The following ANXA8 variants were observed in gnomAD, a reference collection of about 807,000 sequenced individuals.
ANXA8 encodes annexin A8, also known as VAC-beta.
ANXA8 carries 9 observed loss-of-function variants against 26.8 expected under a neutral mutation model. The observed-to-expected ratio is 0.34, with a 90% CI of 0.20 to 0.59. The LOEUF (loss-of-function observed/expected upper bound fraction) is 0.59, where lower values mean the gene tolerates loss of function less well. Ranked by LOEUF, ANXA8 falls within the 20% of genes least tolerant of loss-of-function variation. The pLI, the probability that ANXA8 is intolerant of heterozygous loss-of-function variation, is 0.84. For missense variants in ANXA8, 83 were observed against 238.5 expected, an observed-to-expected ratio of 0.35 and a Z score of 4.29; for synonymous variants, 39 against 94.8, an observed-to-expected ratio of 0.41 and a Z score of 3.42.
chr10:47,881,833 G>GTC, the ANXA8 span, among the ~76,000 whole-genome samples: 2 of 147,360 alleles, frequency 1.4e-5, no homozygotes, highest in Non-Finnish European at 3.0e-5. Context: ...GTTTGTGTGT[G>GTC]TGTGGATATT....
At chr10:47,672,439 C>G in the ANXA8 span, among the ~76,000 whole-genome samples, 1 of 151,650 alleles carries the variant, frequency 6.6e-6, no homozygotes, top group Admixed American at 6.6e-5. Context: ...AGTACTTTTT[C>G]TTTTATAATA....
chr10:47,714,402 G>T, the ANXA8 span, among the ~76,000 whole-genome samples: 1 of 139,964 alleles, frequency 7.1e-6, no homozygotes, highest in Non-Finnish European at 1.5e-5. Flanking sequence ...TAGATTTATG[G>T]CCTGAAGTGA....
chr10:47,581,786 T>TC, the ANXA8 span, among the ~76,000 whole-genome samples: 1 of 150,284 alleles, frequency 6.7e-6, no homozygotes, highest in African/African-American at 2.5e-5. Context: ...TATTTTTTTT[T>TC]AGTAGAGACG....
At chr10:47,506,624 C>T in the ANXA8 span, among the ~76,000 whole-genome samples, 1 of 141,306 alleles carries the variant, frequency 7.1e-6, no homozygotes, top group African/African-American at 2.6e-5. Flanking sequence ...ACCACTGCGC[C>T]CCACCAGCTT....
chr10:47,653,984 C>T, the ANXA8 span, among the ~76,000 whole-genome samples: 3 of 150,858 alleles, frequency 2.0e-5, no homozygotes, highest in African/African-American at 7.5e-5. Context: ...GTAGGAACAC[C>T]TAGGGATAGA....
chr10:47,700,011 C>A, the ANXA8 span, among the ~76,000 whole-genome samples: 8 of 151,904 alleles, frequency 5.3e-5, no homozygotes, highest in Admixed American at 5.2e-4. Flanking sequence ...GAAATGAAGA[C>A]ATGAATAAAT....
chr10:47,723,667 G>C, the ANXA8 span, among the ~76,000 whole-genome samples: 1 of 139,204 alleles, frequency 7.2e-6, no homozygotes, highest in Non-Finnish European at 1.6e-5. Context: ...TCTCGTCTGT[G>C]TCCTTCCTCT....
At chr10:47,655,958 T>C in the ANXA8 span, among the ~76,000 whole-genome samples, 1 of 151,988 alleles carries the variant, frequency 6.6e-6, no homozygotes, top group African/African-American at 2.4e-5. Context: ...AGGTGGAAGT[T>C]TCGGTGAGCC....
the ANXA8 span, chr10:47,564,423 TG>T: frequency 2.7e-6 from 3 of 1,122,504 alleles, no homozygotes; most frequent in Non-Finnish European, 3.8e-6. Context: ...GCTGGTGAAG[TG>T]GCGGTTGCAG....
chr10:47,746,980 C>A, the ANXA8 span, among the ~76,000 whole-genome samples: 1 of 126,550 alleles, frequency 7.9e-6, no homozygotes, highest in Non-Finnish European at 1.7e-5. Context: ...ACACTCATTC[C>A]AAGAACAACT....
the ANXA8 span, among the ~76,000 whole-genome samples, chr10:47,768,564 G>T: frequency 6.6e-6 from 1 of 150,868 alleles, no homozygotes; most frequent in Non-Finnish European, 1.5e-5. Flanking sequence ...GAGGGCTGGG[G>T]CTGTGATGTG....
At chr10:47,937,037 G>A in the ANXA8 span, among the ~76,000 whole-genome samples, 16 of 150,102 alleles carry the variant, frequency 1.1e-4, no homozygotes, top group African/African-American at 3.1e-4. Context: ...TTCTGAGGAA[G>A]GCAGGCACCT....
chr10:47,937,129 A>G, the ANXA8 span, among the ~76,000 whole-genome samples: 3 of 149,562 alleles, frequency 2.0e-5, no homozygotes, highest in Non-Finnish European at 3.0e-5. Context: ...ATCACCCCCT[A>G]CAATGCATTA....
chr10:47,586,832 A>G, the ANXA8 span, among the ~76,000 whole-genome samples: 840 of 146,456 alleles, frequency 5.7e-3, 159 homozygotes, highest in African/African-American at 0.022. Flanking sequence ...AATGGGGCAT[A>G]GAAGAGCCCC....
the ANXA8 span, among the ~76,000 whole-genome samples, chr10:47,744,431 A>AAGGGGGGGGGGGGGGGGG: frequency 1.9e-4 from 1 of 5,398 alleles, no homozygotes; most frequent in African/African-American, 9.0e-4. Context: ...GTTGGGGGGG[A>AAGGGGGGGGGGGGGGGGG]GGGGGGAAGA....
upstream of ANXA8, chr10:47,484,339 C>T: frequency 1.5e-6 from 1 of 668,174 alleles, no homozygotes; most frequent in Non-Finnish European, 2.6e-6. Flanking sequence ...CCACCTTGGC[C>T]TACCAAAGTG....
At chr10:47,510,145 T>C in the ANXA8 span, 48 of 1,170,770 alleles carry the variant, frequency 4.1e-5, 7 homozygotes, top group South Asian at 6.8e-4. Context: ...AAGGAATCTG[T>C]CCCTCGGCAG....
At chr10:47,723,826 TA>T in the ANXA8 span, among the ~76,000 whole-genome samples, 2 of 115,792 alleles carry the variant, frequency 1.7e-5, no homozygotes, top group Non-Finnish European at 3.7e-5. Context: ...ATACCCACAA[TA>T]GACTCTTGTT....
chr10:47,947,633 T>C, the ANXA8 span, among the ~76,000 whole-genome samples: 1 of 150,844 alleles, frequency 6.6e-6, no homozygotes, highest in Non-Finnish European at 1.5e-5. Context: ...CCACTTCCCC[T>C]CCTGCTCCGC....
Sources: gnomAD v4.1 joint callset for allele counts (sites outside exome capture counted in the v4.1 genomes callset) on GRCh38, gnomAD v4.1.1 for gene constraint, MANE v1.5 for transcripts, NCBI Gene and HGNC (gene_info 2026-07-23, HGNC 2026-07-21) for gene names.